The following EPHA6 variants were observed in gnomAD, a reference collection of about 807,000 sequenced individuals.
EPHA6 encodes EPH receptor A6, also known as ephrin type-A receptor 6.
In EPHA6, 50 loss-of-function variants were observed where a neutral mutation model predicts 112.0. The observed-to-expected ratio is 0.45, with a 90% CI of 0.36 to 0.56. EPHA6 has a LOEUF of 0.56. EPHA6 is among the 20% of genes least tolerant of loss of function. EPHA6 has a pLI of 0.00. For synonymous variants in EPHA6, 529 were observed against 490.7 expected, an observed-to-expected ratio of 1.08 and a Z score of -1.03; for missense variants, 1,280 against 1,417.4, an observed-to-expected ratio of 0.90 and a Z score of 1.56.
chr3:97,672,974 A>G (rs2031000783), intron 14 of EPHA6, among the ~76,000 whole-genome samples: 1 of 152,182 alleles, frequency 6.6e-6, no homozygotes, highest in Non-Finnish European at 1.5e-5. Context: ...TCACCAGGTA[A>G]AATTTCCCCA....
At chr3:97,099,763 C>G (rs2047349708) in intron 3 of EPHA6, among the ~76,000 whole-genome samples, 1 of 151,878 alleles carries the variant, frequency 6.6e-6, no homozygotes, top group Admixed American at 6.6e-5. Context: ...CCCCAAAGCC[C>G]TGAAGATATG....
intron 3 of EPHA6, among the ~76,000 whole-genome samples, chr3:97,205,213 T>C (rs947667980): frequency 2.0e-5 from 3 of 152,176 alleles, no homozygotes; most frequent in East Asian, 3.9e-4. Context: ...TATGAGGGAA[T>C]AGAAAAGTTA....
At chr3:97,670,361 C>A (rs2030682013) in intron 14 of EPHA6, among the ~76,000 whole-genome samples, 1 of 152,140 alleles carries the variant, frequency 6.6e-6, no homozygotes, top group South Asian at 2.1e-4. Flanking sequence ...ACAAAAGCAA[C>A]CCTTTCTTCT....
chr3:97,016,714 C>G (rs1181520739), intron 3 of EPHA6, among the ~76,000 whole-genome samples: 1 of 152,194 alleles, frequency 6.6e-6, no homozygotes, highest in African/African-American at 2.4e-5. Context: ...TGTAATTCCT[C>G]TCTCCTTTCC....
chr3:97,571,059 G>A (rs2093328064), intron 11 of EPHA6, among the ~76,000 whole-genome samples: 1 of 152,158 alleles, frequency 6.6e-6, no homozygotes, highest in Non-Finnish European at 1.5e-5. Context: ...GTCTGAAACT[G>A]GAAGCCTAAA....
At chr3:97,553,768 A>T (rs993674609) in intron 11 of EPHA6, among the ~76,000 whole-genome samples, 2 of 152,106 alleles carry the variant, frequency 1.3e-5, no homozygotes, top group Admixed American at 1.3e-4. Context: ...TCTGGTCAGG[A>T]TGTCACATTG....
At chr3:96,932,841 T>A (rs1194802991) in intron 2 of EPHA6, among the ~76,000 whole-genome samples, 1 of 152,224 alleles carries the variant, frequency 6.6e-6, no homozygotes, top group African/African-American at 2.4e-5. Flanking sequence ...ATATGTATTT[T>A]AAAAATATTA....
intron 3 of EPHA6, among the ~76,000 whole-genome samples, chr3:97,045,703 C>T (rs1043681668): frequency 6.6e-6 from 1 of 151,928 alleles, no homozygotes. Context: ...CTCATAGTCC[C>T]GTTACACAGA....
intron 3 of EPHA6, among the ~76,000 whole-genome samples, chr3:97,128,337 C>T (rs1295763794): frequency 2.0e-5 from 3 of 152,172 alleles, no homozygotes; most frequent in African/African-American, 7.2e-5. Context: ...GTCTTTTTGA[C>T]ATTGTGACTT....
intron 3 of EPHA6, among the ~76,000 whole-genome samples, chr3:97,206,941 G>A (rs1273357538): frequency 1.3e-5 from 2 of 152,040 alleles, no homozygotes; most frequent in South Asian, 4.1e-4. Context: ...GTGCAAAAAT[G>A]AAAATTACAT....
intron 2 of EPHA6, among the ~76,000 whole-genome samples, chr3:96,937,482 G>C (rs2040660910): frequency 6.6e-6 from 1 of 152,078 alleles, no homozygotes; most frequent in Non-Finnish European, 1.5e-5. Context: ...ATTTGTTGGA[G>C]TTCATTGTAG....
chr3:96,981,535 G>A (rs78151059), intron 2 of EPHA6, among the ~76,000 whole-genome samples: 4 of 151,686 alleles, frequency 2.6e-5, no homozygotes, highest in South Asian at 2.1e-4. Flanking sequence ...GTGTCTCTGC[G>A]AGGCTTTAGT....
intron 11 of EPHA6, among the ~76,000 whole-genome samples, chr3:97,534,281 C>T (rs1022331653): frequency 2.6e-5 from 4 of 151,988 alleles, no homozygotes; most frequent in South Asian, 2.1e-4. Context: ...GCACTTTATA[C>T]GTATACGTTA....
chr3:97,191,326 A>G (rs1332098205), intron 3 of EPHA6, among the ~76,000 whole-genome samples: 1 of 151,990 alleles, frequency 6.6e-6, no homozygotes, highest in African/African-American at 2.4e-5. Flanking sequence ...CAAATGTTCC[A>G]ATTATACTCT....
At chr3:97,415,557 T>G (rs1287563606) in intron 6 of EPHA6, among the ~76,000 whole-genome samples, 1 of 152,092 alleles carries the variant, frequency 6.6e-6, no homozygotes, top group Non-Finnish European at 1.5e-5. Context: ...AAACTGGTCC[T>G]GTGTAATGGT....
chr3:97,139,190 C>T (rs573495317), intron 3 of EPHA6, among the ~76,000 whole-genome samples: 1 of 152,262 alleles, frequency 6.6e-6, no homozygotes, highest in African/African-American at 2.4e-5. Context: ...GCACCAGGGC[C>T]CTGCCCATTA....
chr3:97,386,344 A>G (rs1315298334), intron 5 of EPHA6, among the ~76,000 whole-genome samples: 2 of 152,202 alleles, frequency 1.3e-5, no homozygotes, highest in East Asian at 3.9e-4. Context: ...TGAATAAAAG[A>G]AATAATAAGG....
chr3:97,544,302 G>A (rs897023915), intron 11 of EPHA6, among the ~76,000 whole-genome samples: 2 of 152,044 alleles, frequency 1.3e-5, no homozygotes, highest in African/African-American at 4.8e-5. Context: ...TTAGCATGAA[G>A]GGTTGTTGAA....
At chr3:97,641,526 G>C (rs1319805609) in intron 14 of EPHA6, among the ~76,000 whole-genome samples, 1 of 152,212 alleles carries the variant, frequency 6.6e-6, no homozygotes, top group Non-Finnish European at 1.5e-5. Context: ...TCCATCTGAG[G>C]TACCGGGTTC....
Sources: allele counts gnomAD v4.1 joint callset (sites outside exome capture counted in the v4.1 genomes callset), GRCh38; gene constraint gnomAD v4.1.1; transcripts MANE v1.5; gene names NCBI Gene and HGNC (gene_info 2026-07-23, HGNC 2026-07-21).